Variants in EFEMP1 observed in about 807,000 individuals in gnomAD.
EFEMP1 encodes the protein EGF-like fibulin extracellular matrix protein 1, also known as EGF-containing fibulin-like extracellular matrix protein 1.
In EFEMP1, 18 loss-of-function variants were observed where a neutral mutation model predicts 65.7. The observed-to-expected ratio is 0.27, with a 90% confidence interval of 0.19 to 0.41. The LOEUF (loss-of-function observed/expected upper bound fraction) is 0.41. Ranked by LOEUF, EFEMP1 falls within the 10% of genes least tolerant of loss-of-function variation. The pLI is 1.00. For missense variants in EFEMP1, 469 were observed against 624.8 expected, an observed-to-expected ratio of 0.75 and a Z score of 2.66; for synonymous variants, 237 against 219.7, an observed-to-expected ratio of 1.08 and a Z score of -0.70.
chr2:55,906,783 C>T (rs1466584044), intron 5 of EFEMP1, among the ~76,000 whole-genome samples: 1 of 152,166 alleles, frequency 6.6e-6, no homozygotes, highest in Non-Finnish European at 1.5e-5. Context: ...TCAGTTCAGT[C>T]CCAGATAAGT....
chr2:55,907,118 A>G (rs1025941947), intron 5 of EFEMP1, among the ~76,000 whole-genome samples: 1 of 152,250 alleles, frequency 6.6e-6, no homozygotes, highest in Admixed American at 6.5e-5. Context: ...AGCAGTTTCC[A>G]GTGTTAATGT....
Position 55,871,203 on chromosome 2 carries a change from G to T in EFEMP1, c.1001-80C>A. The T allele has an allele frequency of 1.3e-6, 2 of 1,596,732 alleles. No homozygotes were observed. Among genetic ancestry groups the T allele is most frequent in the Non-Finnish European group, 1.7e-6 (2 of 1,171,282 alleles). On this transcript the variant is annotated intron_variant, in intron 9 of 11. Transcript: ENST00000355426. The surrounding 1 kb of genome is among the most constrained non-coding windows in gnomAD (Gnocchi z 4.2). Reference sequence around the variant, plus strand: ...TTAAATCATATAACTGGCAGATTCTGTTTGCAAGGAAGGAGGTGTGAGAGC... The same window carrying T: ...TTAAATCATATAACTGGCAGATTCTTTTTGCAAGGAAGGAGGTGTGAGAGC...
intron 8 of EFEMP1, among the ~76,000 whole-genome samples, chr2:55,875,372 A>ATATTT (rs1553349843): frequency 6.7e-6 from 1 of 148,898 alleles, no homozygotes; most frequent in African/African-American, 2.5e-5. Flanking sequence ...ACACATATAT[A>ATATTT]TTTTTTTTGT....
At chr2:55,894,757 C>T (rs1669751522) in intron 5 of EFEMP1, among the ~76,000 whole-genome samples, 1 of 150,036 alleles carries the variant, frequency 6.7e-6, no homozygotes. Context: ...ATGATATGTA[C>T]ATACGTGACT....
At chr2:55,916,403 C>A (rs982265341) in intron 5 of EFEMP1, among the ~76,000 whole-genome samples, 3 of 152,194 alleles carry the variant, frequency 2.0e-5, no homozygotes, top group Non-Finnish European at 2.9e-5. Flanking sequence ...AGCCACCGTG[C>A]CCAGCCCCTT....
chr2:55,912,505 C>T (rs1229135783), intron 5 of EFEMP1, among the ~76,000 whole-genome samples: 1 of 152,174 alleles, frequency 6.6e-6, no homozygotes, highest in Non-Finnish European at 1.5e-5. Context: ...CTTCAAGTTC[C>T]TCTTTGCAAA....
intron 5 of EFEMP1, among the ~76,000 whole-genome samples, chr2:55,906,857 G>T (rs1307072037): frequency 6.6e-6 from 1 of 152,286 alleles, no homozygotes; most frequent in East Asian, 1.9e-4. Flanking sequence ...AAATTAAGTT[G>T]TTCAATATAA....
rs571754691 is a variant in EFEMP1 at position 55,866,678 on chromosome 2, C to A, written c.*395G>T. 2 of 168,712 alleles carry A rather than the reference C, an allele frequency of 1.2e-5. No homozygotes were observed. Among genetic ancestry groups the A allele is most frequent in the South Asian group, 1.6e-4 (1 of 6,266 alleles). The allele number at this position is 168,712 out of a possible 1,614,324, so 10.5% of individuals were successfully genotyped here. A position where few individuals can be genotyped will look rare whatever the true frequency, so the allele number is the denominator to read the frequency against. On this transcript the variant is annotated 3_prime_UTR_variant, in exon 12 of 12. Coordinates refer to ENST00000355426, the MANE Select transcript of EFEMP1 (RefSeq NM_001039348.3). ...AAAGCAGTTAAAAACTCATTCTTAC[C>A]CTTGCATGCTATTCAATGGTTATGA...
intron 5 of EFEMP1, among the ~76,000 whole-genome samples, chr2:55,889,646 A>G (rs1471611368): frequency 6.6e-6 from 1 of 152,196 alleles, no homozygotes; most frequent in Non-Finnish European, 1.5e-5. Context: ...TAAAATATTT[A>G]GAATTAAAAT....
At chr2:55,875,144 A>G (rs1036078750) in intron 8 of EFEMP1, 79 bp from the exon 9 acceptor site, 1 of 482,286 alleles carries the variant, frequency 2.1e-6, no homozygotes, top group East Asian at 9.3e-5. Context: ...ATATATATAA[A>G]TTATATATAT....
intron 8 of EFEMP1, among the ~76,000 whole-genome samples, chr2:55,875,325 G>A (rs1668985499): frequency 7.9e-6 from 1 of 126,326 alleles, no homozygotes; most frequent in Admixed American, 7.6e-5. Flanking sequence ...AGTTGCCTGG[G>A]TTTCATATAT....
chr2:55,921,559 A>G lies in EFEMP1; in HGVS notation c.81+801T>C, dbSNP rs1017998885. 6.6e-6 allele frequency among the ~76,000 whole-genome samples: 1 copy of G among 152,234 alleles called. No individual in the cohort carries two copies. Among genetic ancestry groups the G allele is most frequent in the Non-Finnish European group, 1.5e-5 (1 of 68,040 alleles). ...TGCCTAACACTGATTAAAGACAAGA[A>G]AACACAGAACAGAGGTGCAAACAAA... On this transcript the variant is annotated intron_variant, in intron 3 of 11. Transcript: ENST00000355426. This position sits in a 1 kb window ranked among gnomAD's most constrained non-coding sequence, Gnocchi z 4.1.
At chr2:55,888,559 A>G (rs1164048812) in intron 5 of EFEMP1, among the ~76,000 whole-genome samples, 1 of 152,018 alleles carries the variant, frequency 6.6e-6, no homozygotes, top group East Asian at 1.9e-4. Flanking sequence ...GGCTGGTCTC[A>G]AACGCCTGAC....
Position 55,867,330 on chromosome 2 carries a change from G to T in EFEMP1, c.1321-96C>A. 1.5e-6 allele frequency: 2 copies of T among 1,369,030 alleles called. No homozygotes were observed. The highest frequency in any genetic ancestry group is 1.5e-5 in the African/African-American group (1 of 68,842). 84.8% of individuals were successfully genotyped at this position (1,369,030 alleles called of 1,614,324 possible). A position where few individuals can be genotyped will look rare whatever the true frequency, so the allele number is the denominator to read the frequency against. On this transcript the variant is annotated intron_variant, in intron 11 of 11. Transcript: ENST00000355426. The surrounding 1 kb of genome is among the most constrained non-coding windows in gnomAD (Gnocchi z 4.3). ...ATACCTCCTATAAGAATTAGGGGGA[G>T]AATTTTGAAGGTGGTATAAAAGAGC...
chr2:55,896,617 G>C (rs933176046), intron 5 of EFEMP1, among the ~76,000 whole-genome samples: 5 of 152,110 alleles, frequency 3.3e-5, no homozygotes, highest in African/African-American at 7.2e-5. Flanking sequence ...TGCCCCTGTA[G>C]AACTATTATA....
chr2:55,894,470 T>C (rs1669742013), intron 5 of EFEMP1, among the ~76,000 whole-genome samples: 1 of 152,198 alleles, frequency 6.6e-6, no homozygotes, highest in Admixed American at 6.5e-5. Flanking sequence ...GACTTTAAGA[T>C]GAAAATGTTG....
At position 55,876,603 on chromosome 2, in the gene EFEMP1, C is replaced by T. The variant is rs1395532257; in HGVS notation, c.880+20G>A. The T allele has an allele frequency of 3.1e-6, 5 of 1,610,884 alleles. No homozygotes were observed. The Admixed American group carries it at 6.7e-5, about 22-fold the overall frequency. ...CACAGGAATTGGACTTTATTCCATA[C>T]TATCTGGGAAGAGTTTTACCTTCAC... On this transcript the variant is annotated intron_variant, in intron 8 of 11. Transcript: ENST00000355426.
intron 5 of EFEMP1, among the ~76,000 whole-genome samples, chr2:55,904,002 G>C (rs1360839609): frequency 6.6e-6 from 1 of 152,088 alleles, no homozygotes; most frequent in East Asian, 1.9e-4. Flanking sequence ...TGTCTTTCAG[G>C]GTAAGAAGCA....
rs533836903 is a variant in EFEMP1 at position 55,880,263 on chromosome 2, G to A, written c.640+1349C>T. Among the ~76,000 whole-genome samples the A allele has an allele frequency of 8.5e-5, 13 of 152,264 alleles. No individual in the cohort carries two copies. The Middle Eastern group carries it at 0.014, about 159-fold the overall frequency. On this transcript the variant is annotated intron_variant, in intron 6 of 11. Transcript: ENST00000355426. ...AGCAGGAGGGGAAGACACATGATTA[G>A]ATCTGAGTTTAGGAATATTTCCTCC...
Sources: gnomAD v4.1 joint callset for allele counts (sites outside exome capture counted in the v4.1 genomes callset) on GRCh38, gnomAD v4.1.1 for gene constraint, Gnocchi (gnomAD v3.1) non-coding constraint, MANE v1.5 for transcripts, NCBI Gene and HGNC (gene_info 2026-07-23, HGNC 2026-07-21) for gene names.